Variants in CCDC39 observed in about 807,000 individuals in gnomAD.
CCDC39 encodes coiled-coil domain-containing protein 39.
A neutral mutation model predicts 121.0 loss-of-function variants in CCDC39; 113 were observed. The ratio of observed to expected loss-of-function variants is 0.93; its 90% CI spans 0.80 to 1.09. CCDC39 has a LOEUF of 1.09. CCDC39 is among the 50% of genes least tolerant of loss of function. The pLI, the probability that CCDC39 is intolerant of heterozygous loss-of-function variation, is 0.00. For synonymous variants in CCDC39, 349 were observed against 352.2 expected, an observed-to-expected ratio of 0.99 and a Z score of 0.10; for missense variants, 1,063 against 1,074.7, an observed-to-expected ratio of 0.99 and a Z score of 0.15.
intron 14 of CCDC39, among the ~76,000 whole-genome samples, 153 bp from the exon 15 acceptor site, chr3:180,620,123 T>C (rs1717394570): frequency 6.6e-6 from 1 of 152,086 alleles, no homozygotes; most frequent in Admixed American, 6.6e-5. Flanking sequence ...TTTGTTGTGC[T>C]TGATTTACAG....
At chr3:180,672,078 G>C (rs1473305287) in intron 1 of CCDC39, among the ~76,000 whole-genome samples, 1 of 152,180 alleles carries the variant, frequency 6.6e-6, no homozygotes, top group African/African-American at 2.4e-5. Flanking sequence ...ACAAAGGACA[G>C]GTTGACTCTT....
At chr3:180,677,361 T>A (rs566827585) in intron 1 of CCDC39, among the ~76,000 whole-genome samples, 1 of 150,414 alleles carries the variant, frequency 6.6e-6, no homozygotes, top group East Asian at 2.0e-4. Context: ...AAATCAAGTA[T>A]AAAACTAACA....
In CCDC39 at chr3:180,616,290, A is replaced by G; in HGVS notation, c.2660T>C (p.Leu887Pro). 6.2e-7 allele frequency: 1 copy of G among 1,610,710 alleles called. No individual in the cohort carries two copies. Among genetic ancestry groups the G allele is most frequent in the Admixed American group, 1.7e-5 (1 of 59,684 alleles). The change falls in exon 19 of 20, where the codon CTA becomes CCA. Residue 887 changes from leucine (L) to proline (P), a missense_variant. Coordinates refer to ENST00000476379, the MANE Select transcript of CCDC39 (RefSeq NM_181426.2). ...TTAACCCTCCGCTTACCTTGCTGAT[A>G]GTGAAGTATGTGAAGGAGATCTAGA... ...QSSRSPSHTS[L>P]SARSSRSTST...
chr3:180,635,574 T>C (rs1717805220), intron 13 of CCDC39, among the ~76,000 whole-genome samples: 1 of 152,202 alleles, frequency 6.6e-6, no homozygotes, highest in Non-Finnish European at 1.5e-5. Flanking sequence ...ACAGGCTCTA[T>C]GCAAGTCCAA....
At chr3:180,642,308 T>C (rs1717973881) in intron 12 of CCDC39, 107 bp from the exon 13 acceptor site, 1 of 577,594 alleles carries the variant, frequency 1.7e-6, no homozygotes, top group Non-Finnish European at 2.9e-6. Context: ...CTTTTTCCAA[T>C]TTAACCATTG....
chr3:180,618,712 C>T (rs1267707392), intron 16 of CCDC39, among the ~76,000 whole-genome samples: 2 of 152,096 alleles, frequency 1.3e-5, no homozygotes, highest in African/African-American at 4.8e-5. Flanking sequence ...CCAGCTTCAT[C>T]CATGTCCCTA....
intron 13 of CCDC39, among the ~76,000 whole-genome samples, chr3:180,639,624 T>G (rs1213618327): frequency 3.3e-5 from 5 of 151,996 alleles, no homozygotes; most frequent in South Asian, 2.1e-4. Flanking sequence ...TGGGGACTTG[T>G]GGGGGGTGGA....
intron 1 of CCDC39, among the ~76,000 whole-genome samples, chr3:180,678,677 C>T (rs947372790): frequency 8.6e-5 from 13 of 151,246 alleles, no homozygotes; most frequent in Admixed American, 5.9e-4. Flanking sequence ...TTTTTAACAA[C>T]TGCTATGAAT....
At chr3:180,651,320 G>T in intron 9 of CCDC39, 81 bp downstream of exon 9, 2 of 1,182,324 alleles carry the variant, frequency 1.7e-6, no homozygotes, top group Non-Finnish European at 2.4e-6. Flanking sequence ...AGACCTCCTC[G>T]TCCTCTGATC....
At chr3:180,637,767 T>A (rs1334086810) in intron 13 of CCDC39, among the ~76,000 whole-genome samples, 2 of 152,300 alleles carry the variant, frequency 1.3e-5, no homozygotes, top group East Asian at 3.9e-4. Flanking sequence ...AATAAGATCT[T>A]GTGTTTCATG....
At position 180,654,805 on chromosome 3, in the gene CCDC39, G is replaced by T; in HGVS notation, c.887C>A (p.Ala296Glu). 6.2e-7 allele frequency: 1 copy of T among 1,610,770 alleles called. No individual in the cohort carries two copies. Among genetic ancestry groups the T allele is most frequent in the Non-Finnish European group, 8.5e-7 (1 of 1,178,530 alleles). ...TCTACTAGTTTCATGGTCCTGATAT[G>T]CCGTTCTACATTTTAAAAGTTTACG... is the stretch of plus-strand genomic sequence containing the variant. ...ADRKLLKCRT[A>E]YQDHETSRIQ... The change falls in exon 7 of 20, where the codon GCA becomes GAA. Residue 296 changes from alanine (A) to glutamate (E), a missense_variant. Transcript: ENST00000476379.
intron 1 of CCDC39, among the ~76,000 whole-genome samples, chr3:180,665,848 T>A (rs548588115): frequency 1.3e-4 from 19 of 151,906 alleles, no homozygotes; most frequent in Non-Finnish European, 2.5e-4. Flanking sequence ...TAATAATTTT[T>A]AAAAATAATT....
chr3:180,641,999 T>A lies in CCDC39; in HGVS notation c.1868A>T (p.Asn623Ile). The change falls in exon 13 of 20, where the codon AAC becomes ATC. Residue 623 changes from asparagine to isoleucine, a missense_variant. Physicochemically the swap from Asn to Ile is moderately radical, Grantham distance 149. Transcript: ENST00000476379. ...QIRYVDQERE[N>I]ISTEFRERLS... is the part of the protein sequence containing the mutation. ...TTTTAAAACTGAAAATTACCTTATG[T>A]TTTCCCGTTCTTGATCAACATATCT... is the stretch of plus-strand genomic sequence containing the variant. 4 of 1,578,758 alleles carry A rather than the reference T, an allele frequency of 2.5e-6. No homozygotes were observed.
chr3:180,630,122 G>A (rs73185989), intron 14 of CCDC39, among the ~76,000 whole-genome samples: 62 of 152,246 alleles, frequency 4.1e-4, no homozygotes, highest in Non-Finnish European at 7.1e-4. Flanking sequence ...GCAGTGGTAG[G>A]ATATGGATGA....
chr3:180,626,463 G>A (rs1316664646), intron 14 of CCDC39, among the ~76,000 whole-genome samples: 3 of 152,222 alleles, frequency 2.0e-5, no homozygotes, highest in South Asian at 4.1e-4. Context: ...ACCAGGGAGG[G>A]TGCAACCTTT....
intron 7 of CCDC39, among the ~76,000 whole-genome samples, chr3:180,652,991 TGAGA>T (rs1373299513): frequency 6.6e-6 from 1 of 152,094 alleles, no homozygotes; most frequent in Non-Finnish European, 1.5e-5. Flanking sequence ...AAAACATTGA[TGAGA>T]GAAATTGTAG....
At position 180,651,533 on chromosome 3, in the gene CCDC39, C is replaced by G. The variant is rs770110944; in HGVS notation, c.1035G>C (p.Arg345Ser). The change falls in exon 9 of 20, where the codon AGG (arginine) becomes AGC (serine). Residue 345 changes from arginine to serine, a missense_variant and splice_region_variant. By Grantham distance (110) the Arg-to-Ser change is moderately radical (BLOSUM62 -1). Transcript: ENST00000476379. ...IKKDIHEETA[R>S]LQKTKNHNEI... ...CATTATGATTTTTAGTTTTTTGTAA[C>G]CTGAAGAGGGTTTATCACAAAAAGA... 1.2e-5 allele frequency: 18 copies of G among 1,520,784 alleles called. No homozygotes were observed. Among genetic ancestry groups the G allele is most frequent in the Non-Finnish European group, 1.4e-5 (16 of 1,137,470 alleles). The allele number at this position is 1,520,784 out of a possible 1,614,324, so 94.2% of individuals were successfully genotyped here.
chr3:180,620,480 T>C (rs548610749), intron 14 of CCDC39, among the ~76,000 whole-genome samples: 1 of 152,168 alleles, frequency 6.6e-6, no homozygotes, highest in East Asian at 1.9e-4. Context: ...AGTCTATGAA[T>C]TGCTAAAGGC....
intron 19 of CCDC39, among the ~76,000 whole-genome samples, chr3:180,615,906 A>G (rs1436976315): frequency 1.3e-5 from 2 of 152,192 alleles, no homozygotes; most frequent in East Asian, 1.9e-4. Context: ...ATCATATTCT[A>G]TATGTCTGTA....
Sources: gnomAD v4.1 joint callset for allele counts (sites outside exome capture counted in the v4.1 genomes callset) on GRCh38, gnomAD v4.1.1 for gene constraint, MANE v1.5 for transcripts, NCBI Gene and HGNC (gene_info 2026-07-23, HGNC 2026-07-21) for gene names.